Variants in PRR30 observed in about 807,000 individuals in gnomAD.
The protein encoded by PRR30 is proline rich 30.
For synonymous variants in PRR30, 229 were observed against 222.7 expected (o/e 1.03, Z -0.25); for missense variants, 546 against 525.3 (o/e 1.04, Z -0.39).
In PRR30 at chr2:27,137,477, G is replaced by A. The variant is rs370649888; in HGVS notation, c.853C>T (p.Gln285Ter). The stretch of plus-strand genomic sequence containing the variant: ...CGGAGTGGCCCAGATTCCTGGCCCT[G>A]CACACAGGGCAGTAGTTGAGGGAAA... ...LAFPQLLPCVQGQESGPLRIG... is the reference protein window; with the variant it reads ...LAFPQLLPCV The change falls in exon 3 of 3, where the codon CAG (glutamine) becomes TAG (stop). Residue 285 changes from glutamine (Q) to a stop codon, truncating the protein, a stop_gained. Transcript: ENST00000335524. LOFTEE classifies it low-confidence loss of function (END_TRUNC). The surrounding 1 kb of genome is among the most constrained non-coding windows in gnomAD (Gnocchi z 4.3). The A allele has an allele frequency of 1.2e-6, 2 of 1,609,002 alleles. No homozygotes were observed. The highest frequency in any genetic ancestry group is 1.7e-6 in the Non-Finnish European group (2 of 1,177,698).
In PRR30 at chr2:27,137,822, G is replaced by A. The variant is rs753873885; in HGVS notation, c.508C>T (p.His170Tyr). Residue 170 changes from histidine (H) to tyrosine (Y), a missense_variant, in exon 3 of 3, where the codon CAC (histidine) becomes TAC (tyrosine). By Grantham distance (83) the His-to-Tyr change is moderately conservative (BLOSUM62 2). Transcript: ENST00000335524. This position sits in a 1 kb window ranked among gnomAD's most constrained non-coding sequence, Gnocchi z 4.3. ...CAGCGCCATGTCTGCCTGTTAGAGT[G>A]GAGCCTATGAGAAGGTGGGCTGGGG... ...PGPSPPSHRL[H>Y]SNRQTWRWHQ... 2 of 1,601,484 alleles carry A rather than the reference G, an allele frequency of 1.2e-6. No homozygotes were observed. The highest frequency in any genetic ancestry group is 1.7e-6 in the Non-Finnish European group (2 of 1,171,456).
Position 27,137,290 on chromosome 2 carries a change from G to A in PRR30, c.1040C>T (p.Ala347Val). The stretch of plus-strand genomic sequence containing the variant: ...GGAGGGTGTGCCTGGGACTGGGTCG[G>A]CCCGGGCCTGAGCTGCTGGAGGCTG... Reference protein sequence around the residue: ...ASQPPAAQARADPVPGTPSQT... With the variant: ...ASQPPAAQARVDPVPGTPSQT... The change falls in exon 3 of 3, where the codon GCC (alanine) becomes GTC (valine). Residue 347 changes from alanine (A) to valine (V), a missense_variant. Physicochemically the swap from Ala to Val is moderately conservative, Grantham distance 64. Coordinates refer to ENST00000335524, the MANE Select transcript of PRR30 (RefSeq NM_178553.4). This position sits in a 1 kb window ranked among gnomAD's most constrained non-coding sequence, Gnocchi z 4.3. The A allele has an allele frequency of 1.2e-6, 2 of 1,614,234 alleles. No individual in the cohort carries two copies. The highest frequency in any genetic ancestry group is 1.7e-6 in the Non-Finnish European group (2 of 1,180,034).
Position 27,137,683 on chromosome 2 carries a change from ACCAGGGCCTGGG to A in PRR30, c.635_646del (p.Ala212_Leu215del), listed in dbSNP as rs773932451. The A allele has an allele frequency of 1.9e-5, 31 of 1,613,332 alleles. No homozygotes were observed. In the East Asian group the frequency reaches 6.7e-4, roughly 35 times the overall value. ...GATGCGGCGGTGCCCCAGCTGGACC[ACCAGGGCCTGGG>A]CCAGGGCCCCTGGGTCCCTGAACTG... is the stretch of plus-strand genomic sequence containing the variant. On this transcript the variant is annotated inframe_deletion, in exon 3 of 3. Coordinates refer to ENST00000335524, the MANE Select transcript of PRR30 (RefSeq NM_178553.4). This position sits in a 1 kb window ranked among gnomAD's most constrained non-coding sequence, Gnocchi z 4.3.
rs140490572 is a variant in PRR30, at chr2:27,137,662, C to T, written c.668G>A (p.Arg223His). Residue 223 changes from arginine (R) to histidine (H), a missense_variant, in exon 3 of 3, where the codon CGC becomes CAC. By Grantham distance (29) the Arg-to-His change is conservative. Transcript: ENST00000335524. The surrounding 1 kb of genome is among the most constrained non-coding windows in gnomAD (Gnocchi z 4.3). ...CAGTAGCCGCAGGTCGTGTGCGATGCGGCGGTGCCCCAGCTGGACCACCAG... is the reference window on the plus strand; with the variant it reads ...CAGTAGCCGCAGGTCGTGTGCGATGTGGCGGTGCCCCAGCTGGACCACCAG... ...QALVVQLGHR[R>H]IAHDLRLLLL... 900 of 1,613,026 alleles carry T rather than the reference C, an allele frequency of 5.6e-4. 7 individuals are homozygous for T. In the African/African-American group the frequency reaches 8.1e-3, roughly 15 times the overall value.
rs1672526891 is a variant in PRR30, at chr2:27,137,247, C to T, written c.1083G>A (p.Arg361=). 1.2e-6 allele frequency: 2 copies of T among 1,614,196 alleles called. No individual in the cohort carries two copies. Among genetic ancestry groups the T allele is most frequent in the Non-Finnish European group, 8.5e-7 (1 of 1,180,024 alleles). ...AGTTTGGTGATTGAAGGCCTGCAGA[C>T]CTGAAGCTCCTGGTCTGGGAGGGTG... ...PGTPSQTRSF[R]SAGLQSPNSP... The change falls in exon 3 of 3, where the codon AGG becomes AGA. Residue 361 remains arginine (R), a synonymous_variant. Transcript: ENST00000335524. This position sits in a 1 kb window ranked among gnomAD's most constrained non-coding sequence, Gnocchi z 4.3.
In PRR30 at chr2:27,137,028, G is replaced by A. The variant is rs929455494; in HGVS notation, c.*63C>T. 1.9e-6 allele frequency: 3 copies of A among 1,562,992 alleles called. No homozygotes were observed. Among genetic ancestry groups the A allele is most frequent in the African/African-American group, 1.4e-5 (1 of 73,324 alleles). On this transcript the variant is annotated 3_prime_UTR_variant, in exon 3 of 3. Transcript: ENST00000335524. This position sits in a 1 kb window ranked among gnomAD's most constrained non-coding sequence, Gnocchi z 4.3. ...GTGTCTCGGGGACTCCCCGAGATCT[G>A]GGGCCTGGTTGGGAGGGTTGGGTTT...
Position 27,138,165 on chromosome 2 carries a change from C to A in PRR30, c.165G>T (p.Gln55His). ...PPSQPPFSST[Q>H]SRRPSSPPPA... ...GTGGAGGGGAGGAGGGACGACGGGA[C>A]TGAGTGGAAGAGAACGGTGGTTGAG... Residue 55 changes from glutamine (Q) to histidine (H), a missense_variant, in exon 3 of 3, where the codon CAG (glutamine) becomes CAT (histidine). Gln to His is a conservative substitution (Grantham distance 24). Transcript: ENST00000335524. The A allele has an allele frequency of 6.2e-7, 1 of 1,613,652 alleles. No homozygotes were observed. Among genetic ancestry groups the A allele is most frequent in the Non-Finnish European group, 8.5e-7 (1 of 1,179,872 alleles).
At position 27,138,141 on chromosome 2, in the gene PRR30, T is replaced by C. The variant is rs1264467981; in HGVS notation, c.189A>G (p.Pro63=). Residue 63 remains proline (P), a synonymous_variant, in exon 3 of 3, where the codon CCA becomes CCG. Transcript: ENST00000335524. ...STQSRRPSSP[P]PASPSPGFQF... is the part of the protein sequence containing the mutation. ...GGAAGCCAGGAGAGGGGGATGCTGG[T>C]GGAGGGGAGGAGGGACGACGGGACT... 6.2e-7 allele frequency: 1 copy of C among 1,612,816 alleles called. No homozygotes were observed. The highest frequency in any genetic ancestry group is 8.5e-7 in the Non-Finnish European group (1 of 1,179,718).
Position 27,138,534 on chromosome 2 carries a change from GTTCA to G in PRR30, c.-209_-206del. 1.0e-6 allele frequency: 1 copy of G among 958,010 alleles called. No individual in the cohort carries two copies. The highest frequency in any genetic ancestry group is 2.3e-5 in the South Asian group (1 of 42,606). 59.3% of individuals were successfully genotyped at this position (958,010 alleles called of 1,614,324 possible). A position where few individuals can be genotyped will look rare whatever the true frequency, so the allele number is the denominator to read the frequency against. ...CCCTCCAGCACCAGGCTCTCAGGGT[GTTCA>G]GGCATGAGCATGAATCTAAGCTTGG... On this transcript the variant is annotated 5_prime_UTR_variant, in exon 3 of 3. It removes the in-frame stop codon of an upstream open reading frame in the 5' UTR. Transcript: ENST00000335524.
At position 27,137,055 on chromosome 2, in the gene PRR30, G is replaced by A. The variant is rs1672522605; in HGVS notation, c.*36C>T. 4 of 1,600,098 alleles carry A rather than the reference G, an allele frequency of 2.5e-6. No homozygotes were observed. The Admixed American group carries it at 6.8e-5, about 27-fold the overall frequency. On this transcript the variant is annotated 3_prime_UTR_variant, in exon 3 of 3. Transcript: ENST00000335524. This position sits in a 1 kb window ranked among gnomAD's most constrained non-coding sequence, Gnocchi z 4.3. Reference sequence around the variant, plus strand: ...GGCCTGGTTGGGAGGGTTGGGTTTGGAGGGGGTGTTCCAGGGGGCCTCCGT... The same window carrying A: ...GGCCTGGTTGGGAGGGTTGGGTTTGAAGGGGGTGTTCCAGGGGGCCTCCGT...
In PRR30 at chr2:27,137,984, G is replaced by A; in HGVS notation, c.346C>T (p.His116Tyr). ...PRPRASSPSN[H>Y]WLYPSPPLTP... is the part of the protein sequence containing the mutation. Reference sequence around the variant, plus strand: ...AGAGGGGGAGAGGGGTACAGCCAGTGGTTGGAGGGAGAGGATGCACGTGGA... The same window carrying A: ...AGAGGGGGAGAGGGGTACAGCCAGTAGTTGGAGGGAGAGGATGCACGTGGA... Residue 116 changes from histidine (H) to tyrosine (Y), a missense_variant, in exon 3 of 3, where the codon CAC becomes TAC. Physicochemically the swap from His to Tyr is moderately conservative, Grantham distance 83. Coordinates refer to ENST00000335524, the MANE Select transcript of PRR30 (RefSeq NM_178553.4). This position sits in a 1 kb window ranked among gnomAD's most constrained non-coding sequence, Gnocchi z 4.3. 6.2e-7 allele frequency: 1 copy of A among 1,612,020 alleles called. No homozygotes were observed. Among genetic ancestry groups the A allele is most frequent in the Non-Finnish European group, 8.5e-7 (1 of 1,179,242 alleles).
chr2:27,137,167 G>A lies in PRR30; in HGVS notation c.1163C>T (p.Ser388Phe). ...PPRAPKQVTT[S>F]LKPRPCPGPK... is the part of the protein sequence containing the mutation. ...GCCAGGGCAAGGCCTGGGCTTCAGG[G>A]AGGTAGTGACCTGTTTTGGTGCCCG... Residue 388 changes from serine to phenylalanine, a missense_variant, in exon 3 of 3, where the codon TCC becomes TTC. Physicochemically the swap from Ser to Phe is radical, Grantham distance 155. Coordinates refer to ENST00000335524, the MANE Select transcript of PRR30 (RefSeq NM_178553.4). This position sits in a 1 kb window ranked among gnomAD's most constrained non-coding sequence, Gnocchi z 4.3. The A allele has an allele frequency of 6.2e-7, 1 of 1,614,204 alleles. No individual in the cohort carries two copies. Among genetic ancestry groups the A allele is most frequent in the Non-Finnish European group, 8.5e-7 (1 of 1,180,028 alleles).
Position 27,138,229 on chromosome 2 carries a change from T to C in PRR30, c.101A>G (p.Asn34Ser). Residue 34 changes from asparagine to serine, a missense_variant, in exon 3 of 3, where the codon AAC becomes AGC. Coordinates refer to ENST00000335524, the MANE Select transcript of PRR30 (RefSeq NM_178553.4). ...FSQLVDSSPH[N>S]LQPLSPHQGL... Reference sequence around the variant, plus strand: ...CTGATGGGGAGAGAGAGGCTGTAGGTTGTGAGGAGAGGAGTCCACAAGTTG... The same window carrying C: ...CTGATGGGGAGAGAGAGGCTGTAGGCTGTGAGGAGAGGAGTCCACAAGTTG... 1 of 1,613,468 alleles carries C rather than the reference T, an allele frequency of 6.2e-7. No individual in the cohort carries two copies. Among genetic ancestry groups the C allele is most frequent in the South Asian group, 1.1e-5 (1 of 91,048 alleles).
rs1254304577 is a variant in PRR30 at position 27,137,074 on chromosome 2, C to G, written c.*17G>C. 1.4e-5 allele frequency: 22 copies of G among 1,606,914 alleles called. No homozygotes were observed. The highest frequency in any genetic ancestry group is 1.8e-5 in the Non-Finnish European group (21 of 1,174,856). On this transcript the variant is annotated 3_prime_UTR_variant, in exon 3 of 3. Coordinates refer to ENST00000335524, the MANE Select transcript of PRR30 (RefSeq NM_178553.4). This position sits in a 1 kb window ranked among gnomAD's most constrained non-coding sequence, Gnocchi z 4.3. ...GGTTTGGAGGGGGTGTTCCAGGGGG[C>G]CTCCGTGGCTCTGGAACTAGACTGA...
At position 27,137,493 on chromosome 2, in the gene PRR30, T is replaced by A. The variant is rs767762632; in HGVS notation, c.837A>T (p.Gln279His). 6 of 1,601,620 alleles carry A rather than the reference T, an allele frequency of 3.7e-6. No individual in the cohort carries two copies. The highest frequency in any genetic ancestry group is 5.1e-6 in the Non-Finnish European group (6 of 1,173,424). The change falls in exon 3 of 3, where the codon CAA becomes CAT. Residue 279 changes from glutamine to histidine, a missense_variant. By Grantham distance (24) the Gln-to-His change is conservative. Transcript: ENST00000335524. The surrounding 1 kb of genome is among the most constrained non-coding windows in gnomAD (Gnocchi z 4.3). ...RTGPRLLAFP[Q>H]LLPCVQGQES... ...CCTGGCCCTGCACACAGGGCAGTAG[T>A]TGAGGGAAAGCAAGCAGCCGGGGTC... is the stretch of plus-strand genomic sequence containing the variant.
Position 27,138,081 on chromosome 2 carries a change from A to G in PRR30, c.249T>C (p.Ala83=). The part of the protein sequence containing the change: ...FGSCDSNSDF[A]PHPYSPSLPS... ...GGAGAGAGGGAGAATAGGGATGTGG[A>G]GCAAAGTCAGAATTTGAGTCACAAG... The change falls in exon 3 of 3, where the codon GCT becomes GCC. Residue 83 remains alanine (A), a synonymous_variant. Transcript: ENST00000335524. The G allele has an allele frequency of 6.2e-7, 1 of 1,613,834 alleles. No homozygotes were observed. The highest frequency in any genetic ancestry group is 8.5e-7 in the Non-Finnish European group (1 of 1,179,958).
Position 27,137,003 on chromosome 2 carries a change from G to A in PRR30, c.*88C>T. ...ACCTCCGGCCAGCCAGCCCTTCAGG[G>A]TGTCTCGGGGACTCCCCGAGATCTG... is the stretch of plus-strand genomic sequence containing the variant. On this transcript the variant is annotated 3_prime_UTR_variant, in exon 3 of 3. Transcript: ENST00000335524. This position sits in a 1 kb window ranked among gnomAD's most constrained non-coding sequence, Gnocchi z 4.3. 1.3e-6 allele frequency: 2 copies of A among 1,491,280 alleles called. No homozygotes were observed. The highest frequency in any genetic ancestry group is 4.7e-5 in the Admixed American group (2 of 42,802). 92.4% of individuals were successfully genotyped at this position (1,491,280 alleles called of 1,614,324 possible).
rs543769619 is a variant in PRR30, at chr2:27,137,278, G to T, written c.1052C>A (p.Pro351Gln). The change falls in exon 3 of 3, where the codon CCA becomes CAA. Residue 351 changes from proline to glutamine, a missense_variant. Physicochemically the swap from Pro to Gln is moderately conservative, Grantham distance 76. Transcript: ENST00000335524. The surrounding 1 kb of genome is among the most constrained non-coding windows in gnomAD (Gnocchi z 4.3). Reference sequence around the variant, plus strand: ...GCTCCTGGTCTGGGAGGGTGTGCCTGGGACTGGGTCGGCCCGGGCCTGAGC... The same window carrying T: ...GCTCCTGGTCTGGGAGGGTGTGCCTTGGACTGGGTCGGCCCGGGCCTGAGC... The part of the protein sequence containing the change: ...PAAQARADPV[P>Q]GTPSQTRSFR... The T allele has an allele frequency of 2.4e-5, 38 of 1,614,254 alleles. No homozygotes were observed. The African/African-American group carries it at 4.4e-4, about 19-fold the overall frequency.
In PRR30 at chr2:27,137,079, G is replaced by A. The variant is rs543693262; in HGVS notation, c.*12C>T. 41 of 1,608,854 alleles carry A rather than the reference G, an allele frequency of 2.5e-5. No homozygotes were observed. The highest frequency in any genetic ancestry group is 2.5e-4 in the Admixed American group (15 of 59,780). On this transcript the variant is annotated 3_prime_UTR_variant, in exon 3 of 3. Transcript: ENST00000335524. The surrounding 1 kb of genome is among the most constrained non-coding windows in gnomAD (Gnocchi z 4.3). The stretch of plus-strand genomic sequence containing the variant: ...GGAGGGGGTGTTCCAGGGGGCCTCC[G>A]TGGCTCTGGAACTAGACTGATGACT...
Sources: allele counts gnomAD v4.1 joint callset, GRCh38; gene constraint gnomAD v4.1.1; non-coding constraint Gnocchi (gnomAD v3.1); transcripts MANE v1.5; gene names NCBI Gene and HGNC (gene_info 2026-07-23, HGNC 2026-07-21).